Variants in EIF2B3 observed in about 807,000 individuals in gnomAD.
The protein encoded by EIF2B3 is eukaryotic translation initiation factor 2B subunit gamma.
EIF2B3 carries 20 observed loss-of-function variants against 54.1 expected under a neutral mutation model. That is an observed-to-expected ratio of 0.37 (90% CI 0.26 to 0.54). The LOEUF (loss-of-function observed/expected upper bound fraction) is 0.54, where lower values mean the gene tolerates loss of function less well. EIF2B3 is among the 20% of genes least tolerant of loss of function. The probability of loss-of-function intolerance (pLI) is 0.86; values close to 1 mark genes in which losing one functional copy is unlikely to be tolerated. For missense variants in EIF2B3, 448 were observed against 547.8 expected, an observed-to-expected ratio of 0.82 and a Z score of 1.82; for synonymous variants, 153 against 188.1, an observed-to-expected ratio of 0.81 and a Z score of 1.52.
At chr1:44,967,799 G>T (rs1021777841) in intron 3 of EIF2B3, among the ~76,000 whole-genome samples, 1 of 151,260 alleles carries the variant, frequency 6.6e-6, no homozygotes, top group African/African-American at 2.4e-5. Flanking sequence ...CAGCACTTTG[G>T]GAGGCCGAGG....
At position 44,881,285 on chromosome 1, in the gene EIF2B3, C is replaced by T. The variant is rs1655393052; in HGVS notation, c.784+327G>A. On this transcript the variant is annotated intron_variant, in intron 7 of 11. Transcript: ENST00000360403. This position sits in a 1 kb window ranked among gnomAD's most constrained non-coding sequence, Gnocchi z 4.0. Reference sequence around the variant, plus strand: ...TGAGTTTAATCAGGAACGGGGCTGCCTAGAGCCTAGAGAACAGGGGAACTA... The same window carrying T: ...TGAGTTTAATCAGGAACGGGGCTGCTTAGAGCCTAGAGAACAGGGGAACTA... Among the ~76,000 whole-genome samples, 1 of 152,144 alleles carries T rather than the reference C, an allele frequency of 6.6e-6. No homozygotes were observed. Among genetic ancestry groups the T allele is most frequent in the South Asian group, 2.1e-4 (1 of 4,834 alleles).
intron 11 of EIF2B3, among the ~76,000 whole-genome samples, chr1:44,852,692 T>C (rs1435632490): frequency 6.6e-6 from 1 of 151,504 alleles, no homozygotes; most frequent in Non-Finnish European, 1.5e-5. Context: ...GGCAGCAGAA[T>C]TGCTTGAACC....
chr1:44,856,826 A>G (rs1654447516), intron 11 of EIF2B3, among the ~76,000 whole-genome samples: 1 of 152,128 alleles, frequency 6.6e-6, no homozygotes, highest in South Asian at 2.1e-4. Flanking sequence ...TATTTTTAAG[A>G]CAGGGTCTCC....
At chr1:44,981,779 T>C (rs1644515958) in intron 1 of EIF2B3, among the ~76,000 whole-genome samples, 1 of 151,604 alleles carries the variant, frequency 6.6e-6, no homozygotes, top group Non-Finnish European at 1.5e-5. Flanking sequence ...CTACCAAAAA[T>C]ACAAAAAATT....
chr1:44,877,189 C>CAAT (rs1462418800), intron 8 of EIF2B3, among the ~76,000 whole-genome samples: 2 of 29,464 alleles, frequency 6.8e-5, no homozygotes, highest in African/African-American at 3.6e-4. Context: ...CAAGAATGAT[C>CAAT]AATAAAAAAA....
chr1:44,917,555 T>TTA (rs1301316269), intron 5 of EIF2B3, among the ~76,000 whole-genome samples: 1 of 151,472 alleles, frequency 6.6e-6, no homozygotes, highest in Non-Finnish European at 1.5e-5. Context: ...TTTTAATGTA[T>TTA]TATATATCTT....
At chr1:44,883,203 G>C (rs184250829) in intron 6 of EIF2B3, among the ~76,000 whole-genome samples, 1 of 151,966 alleles carries the variant, frequency 6.6e-6, no homozygotes, top group East Asian at 1.9e-4. Context: ...CTCTCAACAT[G>C]CTAGGATTAC....
intron 3 of EIF2B3, among the ~76,000 whole-genome samples, chr1:44,975,353 C>T (rs1644442297): frequency 6.6e-6 from 1 of 152,126 alleles, no homozygotes; most frequent in Non-Finnish European, 1.5e-5. Flanking sequence ...CTGAGAAATG[C>T]ATTGTTAGGT....
At chr1:44,905,408 G>A (rs1234056891) in intron 5 of EIF2B3, among the ~76,000 whole-genome samples, 5 of 152,114 alleles carry the variant, frequency 3.3e-5, no homozygotes, top group African/African-American at 1.2e-4. Context: ...CTGACTGATG[G>A]TCTGGCTGAC....
chr1:44,921,841 T>C (rs1643743404), intron 5 of EIF2B3, among the ~76,000 whole-genome samples: 1 of 152,056 alleles, frequency 6.6e-6, no homozygotes, highest in Non-Finnish European at 1.5e-5. Context: ...GCTTTGTTCT[T>C]TTTGCTTAGG....
chr1:44,859,387 T>C (rs773048033), intron 10 of EIF2B3, among the ~76,000 whole-genome samples: 1 of 152,102 alleles, frequency 6.6e-6, no homozygotes, highest in African/African-American at 2.4e-5. Flanking sequence ...CTGGGTGCGG[T>C]GGCTCATGCC....
At position 44,869,692 on chromosome 1, in the gene EIF2B3, C is replaced by A. The variant is rs546620379; in HGVS notation, c.1202+4986G>T. 8.9e-5 allele frequency among the ~76,000 whole-genome samples: 13 copies of A among 145,276 alleles called. No homozygotes were observed. The South Asian group carries it at 2.9e-3, about 33-fold the overall frequency. ...TTCAGCTCACTGCAATCTCTGCCTG[C>A]CGGGTTCAAGCGATTCTTCTGCCTC... On this transcript the variant is annotated intron_variant, in intron 10 of 11. Transcript: ENST00000360403.
At chr1:44,967,832 G>GTTCGA (rs901786230) in intron 3 of EIF2B3, among the ~76,000 whole-genome samples, 12 of 151,682 alleles carry the variant, frequency 7.9e-5, no homozygotes, top group Admixed American at 3.3e-4. Flanking sequence ...GAGGTCAGGA[G>GTTCGA]TTCGAGACCA....
intron 5 of EIF2B3, among the ~76,000 whole-genome samples, chr1:44,897,737 CTTTTTT>C (rs36113373): frequency 7.4e-6 from 1 of 134,464 alleles, no homozygotes; most frequent in Non-Finnish European, 1.6e-5. Context: ...TGATCGTTAA[CTTTTTT>C]TTTTTTTTTT....
At chr1:44,872,493 T>A (rs895554814) in intron 10 of EIF2B3, among the ~76,000 whole-genome samples, 21 of 151,840 alleles carry the variant, frequency 1.4e-4, no homozygotes, top group African/African-American at 3.6e-4. Flanking sequence ...TAAAATTTTT[T>A]AAAAAAATTA....
At chr1:44,866,033 T>C (rs1654768002) in intron 10 of EIF2B3, among the ~76,000 whole-genome samples, 3 of 152,116 alleles carry the variant, frequency 2.0e-5, no homozygotes. Flanking sequence ...ATTTAGTAAA[T>C]GCTTATAAGA....
chr1:44,931,972 C>A (rs1420433514), intron 4 of EIF2B3, among the ~76,000 whole-genome samples: 1 of 152,126 alleles, frequency 6.6e-6, no homozygotes, highest in Non-Finnish European at 1.5e-5. Flanking sequence ...ATTAGCTGGG[C>A]ATGGTGGCAC....
At position 44,881,792 on chromosome 1, in the gene EIF2B3, C is replaced by G; in HGVS notation, c.657-53G>C. On this transcript the variant is annotated intron_variant, in intron 6 of 11. Coordinates refer to ENST00000360403, the MANE Select transcript of EIF2B3 (RefSeq NM_020365.5). This position sits in a 1 kb window ranked among gnomAD's most constrained non-coding sequence, Gnocchi z 4.0. ...GAAACCTGACTGTCTGGAACATACC[C>G]GGATCAAAAGCTCTGTGCATACAAG... 1 of 1,607,264 alleles carries G rather than the reference C, an allele frequency of 6.2e-7. No homozygotes were observed.
intron 5 of EIF2B3, 39 bp from the exon 6 acceptor site, chr1:44,897,483 C>T: frequency 6.8e-7 from 1 of 1,480,134 alleles, no homozygotes; most frequent in Non-Finnish European, 9.2e-7. Flanking sequence ...AAAGAAGAGG[C>T]TCACAATCAG....
Sources: gnomAD v4.1 joint callset for allele counts (sites outside exome capture counted in the v4.1 genomes callset) on GRCh38, gnomAD v4.1.1 for gene constraint, Gnocchi (gnomAD v3.1) non-coding constraint, MANE v1.5 for transcripts, NCBI Gene and HGNC (gene_info 2026-07-23, HGNC 2026-07-21) for gene names.